Variants in DCUN1D4 observed in about 807,000 individuals in gnomAD.
DCUN1D4 encodes defective in cullin neddylation 1 domain containing 4.
In DCUN1D4, 22 loss-of-function variants were observed where a neutral mutation model predicts 47.9. The observed-to-expected ratio is 0.46, with a 90% confidence interval of 0.33 to 0.66. The LOEUF (loss-of-function observed/expected upper bound fraction) is 0.66, where lower values mean the gene tolerates loss of function less well. Among genes scored for constraint, DCUN1D4 ranks in the 30% least tolerant of loss-of-function variants. The pLI is 0.02. For synonymous variants in DCUN1D4, 121 were observed against 112.2 expected (o/e 1.08, Z -0.50); for missense variants, 301 against 340.8 (o/e 0.88, Z 0.92).
At chr4:51,843,125 G>C, upstream of DCUN1D4, 1 of 1,480,164 alleles carries the variant, frequency 6.8e-7, no homozygotes, top group South Asian at 1.3e-5. Context: ...GAGATGGGCG[G>C]GCTGGGAGTG....
At chr4:51,881,240 T>C (rs1728560103) in intron 5 of DCUN1D4, among the ~76,000 whole-genome samples, 1 of 152,180 alleles carries the variant, frequency 6.6e-6, no homozygotes, top group Admixed American at 6.5e-5. Context: ...CCAACATTGG[T>C]TTTACAGTTA....
intron 1 of DCUN1D4, among the ~76,000 whole-genome samples, chr4:51,846,967 GA>G (rs1157763462): frequency 6.6e-6 from 1 of 152,228 alleles, no homozygotes; most frequent in Non-Finnish European, 1.5e-5. Flanking sequence ...CCTGTTAACA[GA>G]GAAGTCTTTT....
chr4:51,877,561 A>G (rs565438141), intron 4 of DCUN1D4: 2 of 400,884 alleles, frequency 5.0e-6, no homozygotes, highest in South Asian at 3.8e-5. Context: ...TTAAGTGCTT[A>G]CCAGTTCTAT....
Position 51,916,646 on chromosome 4 carries a change from A to G in DCUN1D4, c.*3062A>G, listed in dbSNP as rs754607180. On this transcript the variant is annotated 3_prime_UTR_variant, in exon 11 of 11. Transcript: ENST00000334635. Reference sequence around the variant, plus strand: ...ACTGTTCAATGACAGCAGGTAACCTATAACTGTGAATGCTTCGTGTCGTCA... The same window carrying G: ...ACTGTTCAATGACAGCAGGTAACCTGTAACTGTGAATGCTTCGTGTCGTCA... The G allele has an allele frequency of 2.0e-5, 3 of 152,570 alleles. No homozygotes were observed. The highest frequency in any genetic ancestry group is 2.1e-4 in the South Asian group (1 of 4,832). The allele number at this position is 152,570 out of a possible 1,614,324, so 9.5% of individuals were successfully genotyped here.
chr4:51,843,507 G>A (rs1721924634), intron 1 of DCUN1D4: 1 of 1,292,718 alleles, frequency 7.7e-7, no homozygotes, highest in African/African-American at 1.6e-5. Flanking sequence ...AGGGGGGTGG[G>A]GACTGGCTCT....
intron 1 of DCUN1D4, among the ~76,000 whole-genome samples, chr4:51,844,093 C>T (rs1322818020): frequency 1.1e-5 from 1 of 94,344 alleles, no homozygotes; most frequent in Non-Finnish European, 2.1e-5. Flanking sequence ...TTTGGGGTGG[C>T]AGAGTGGGGG....
At chr4:51,865,285 G>A (rs192598618) in intron 3 of DCUN1D4, 89 of 233,412 alleles carry the variant, frequency 3.8e-4, no homozygotes, top group Non-Finnish European at 7.0e-4. Context: ...CCAAGCCAGC[G>A]TGGAGCTACT....
At chr4:51,862,729 C>T (rs1474134495) in intron 1 of DCUN1D4, among the ~76,000 whole-genome samples, 2 of 152,060 alleles carry the variant, frequency 1.3e-5, no homozygotes, top group Non-Finnish European at 2.9e-5. Context: ...CAAGTTGAGG[C>T]TGCGCGTAGT....
intron 1 of DCUN1D4, among the ~76,000 whole-genome samples, chr4:51,856,356 G>A (rs1724136892): frequency 6.6e-6 from 1 of 152,158 alleles, no homozygotes; most frequent in South Asian, 2.1e-4. Flanking sequence ...AGAGCGAATT[G>A]TGCTTAAAAA....
intron 8 of DCUN1D4, chr4:51,909,119 A>G (rs1045839954): frequency 5.0e-6 from 2 of 399,280 alleles, no homozygotes; most frequent in Non-Finnish European, 1.0e-5. Flanking sequence ...GAGTCTGTCC[A>G]GGTCTTTTGT....
intron 5 of DCUN1D4, among the ~76,000 whole-genome samples, chr4:51,879,531 T>C (rs1471571111): frequency 6.6e-6 from 1 of 152,144 alleles, no homozygotes; most frequent in Admixed American, 6.5e-5. Flanking sequence ...CACTCGAACC[T>C]GGGAGGCGGA....
chr4:51,851,456 C>T (rs939478057), intron 1 of DCUN1D4, among the ~76,000 whole-genome samples: 1 of 151,766 alleles, frequency 6.6e-6, no homozygotes, highest in Non-Finnish European at 1.5e-5. Context: ...CCAAGCCCAG[C>T]GACAACATGG....
In DCUN1D4 at chr4:51,888,966, G is replaced by A. The variant is rs779626025; in HGVS notation, c.414+2328G>A. Among the ~76,000 whole-genome samples, 15 of 151,392 alleles carry A rather than the reference G, an allele frequency of 9.9e-5. No homozygotes were observed. The East Asian group carries it at 1.4e-3, about 14-fold the overall frequency. ...CTTTAATAAAATACCAAAATTAGCC[G>A]GGCGTAGTGATGTGCGCTAGTAATC... is the stretch of plus-strand genomic sequence containing the variant. On this transcript the variant is annotated intron_variant, in intron 6 of 10. Transcript: ENST00000334635.
At chr4:51,854,062 A>C (rs1296481607) in intron 1 of DCUN1D4, among the ~76,000 whole-genome samples, 1 of 152,238 alleles carries the variant, frequency 6.6e-6, no homozygotes, top group Non-Finnish European at 1.5e-5. Flanking sequence ...TATGAAACTG[A>C]CCCATAAACC....
Position 51,899,386 on chromosome 4 carries a change from C to A in DCUN1D4, c.615+8C>A. On this transcript the variant is annotated splice_region_variant and intron_variant, in intron 8 of 10. Coordinates refer to ENST00000334635, the MANE Select transcript of DCUN1D4 (RefSeq NM_001040402.3). The stretch of plus-strand genomic sequence containing the variant: ...GCGTTTGACTTTGCACGGGTGAGTT[C>A]TCTGGAGCCTATCCAGATGTTTCCC... 6.3e-7 allele frequency: 1 copy of A among 1,598,908 alleles called. No individual in the cohort carries two copies. Among genetic ancestry groups the A allele is most frequent in the South Asian group, 1.1e-5 (1 of 88,390 alleles).
rs1001383743 is a variant in DCUN1D4 at position 51,915,428 on chromosome 4, A to G, written c.*1844A>G. On this transcript the variant is annotated 3_prime_UTR_variant, in exon 11 of 11. Transcript: ENST00000334635. ...TAAAAATTAATACCAGTTTGCATAA[A>G]CCAATATCTGAAAAGAACAGGAAAT... 6.6e-6 allele frequency: 1 copy of G among 152,584 alleles called. No homozygotes were observed. Among genetic ancestry groups the G allele is most frequent in the Non-Finnish European group, 1.5e-5 (1 of 68,022 alleles). 9.5% of individuals were successfully genotyped at this position (152,584 alleles called of 1,614,324 possible). A position where few individuals can be genotyped will look rare whatever the true frequency, so the allele number is the denominator to read the frequency against.
intron 4 of DCUN1D4, among the ~76,000 whole-genome samples, chr4:51,875,693 G>A (rs556033342): frequency 5.3e-5 from 8 of 152,158 alleles, no homozygotes; most frequent in African/African-American, 1.9e-4. Flanking sequence ...ACTTTGTCTC[G>A]ACAGATTTCC....
chr4:51,853,163 G>T (rs977505394), intron 1 of DCUN1D4, among the ~76,000 whole-genome samples: 9 of 152,194 alleles, frequency 5.9e-5, no homozygotes, highest in Non-Finnish European at 1.2e-4. Context: ...GGCGATGGAT[G>T]GATGCTGCCT....
intron 3 of DCUN1D4, among the ~76,000 whole-genome samples, chr4:51,868,350 G>T (rs1280694181): frequency 6.6e-6 from 1 of 152,200 alleles, no homozygotes; most frequent in Non-Finnish European, 1.5e-5. Flanking sequence ...CTCCACTGCA[G>T]CCCACCTCAT....
Sources: allele counts gnomAD v4.1 joint callset (sites outside exome capture counted in the v4.1 genomes callset), GRCh38; gene constraint gnomAD v4.1.1; transcripts MANE v1.5; gene names NCBI Gene and HGNC (gene_info 2026-07-23, HGNC 2026-07-21).